The following SOD2 variants were observed in gnomAD, a reference collection of about 807,000 sequenced individuals.
SOD2 encodes the protein superoxide dismutase [Mn], mitochondrial.
Under a neutral mutation model 27.0 loss-of-function variants are expected in SOD2, and 11 were observed. The observed-to-expected ratio is 0.41, with a 90% CI of 0.26 to 0.67. The LOEUF is 0.67. SOD2 is among the 30% of genes least tolerant of loss of function. SOD2 has a pLI of 0.34. For synonymous variants in SOD2, 105 were observed against 103.0 expected (o/e 1.02, Z -0.12); for missense variants, 250 against 274.5 (o/e 0.91, Z 0.63).
At chr6:159,726,475 T>C (rs1048021) in intron 1 of SOD2, 61,761 of 231,532 alleles carry the variant, frequency 0.27, 8,642 homozygotes, top group East Asian at 0.4. Context: ...TGAACAGGTT[T>C]GATAAAGCCG....
chr6:159,692,899 C>A, intron 1 of SOD2, 36 bp from the exon 2 acceptor site: 2 of 1,527,074 alleles, frequency 1.3e-6, no homozygotes, highest in Non-Finnish European at 1.8e-6. Context: ...TCAGTCAGCG[C>A]CGCGGGACCG....
chr6:159,740,090 TCA>T (rs1460604826), intron 1 of SOD2, among the ~76,000 whole-genome samples: 1 of 152,000 alleles, frequency 6.6e-6, no homozygotes, highest in Non-Finnish European at 1.5e-5. Flanking sequence ...AGTGATTCTC[TCA>T]CCTTGGCCTC....
At chr6:159,727,677 G>T (rs1459561280), upstream of SOD2, 1 of 984,732 alleles carries the variant, frequency 1.0e-6, no homozygotes, top group Non-Finnish European at 1.2e-6. Flanking sequence ...GCGACCGGTG[G>T]CGCCGGCGCG....
chr6:159,692,140 C>T (rs5746101), intron 2 of SOD2: 256 of 206,174 alleles, frequency 1.2e-3, no homozygotes, highest in African/African-American at 5.4e-3. Flanking sequence ...GGCAGTAAGA[C>T]ACCACTCCCA....
chr6:159,749,867 T>C (rs1354885673), upstream of SOD2, among the ~76,000 whole-genome samples: 1 of 152,256 alleles, frequency 6.6e-6, no homozygotes, highest in Non-Finnish European at 1.5e-5. Flanking sequence ...CGTCAGATCA[T>C]TCTATAAGTC....
intron 1 of SOD2, chr6:159,713,359 G>A (rs541307631): frequency 1.5e-6 from 1 of 652,788 alleles, no homozygotes; most frequent in East Asian, 2.6e-5. Flanking sequence ...GCCAGCCCCT[G>A]GCCTATCACT....
intron 1 of SOD2, among the ~76,000 whole-genome samples, chr6:159,744,828 C>T (rs1367462415): frequency 1.3e-5 from 2 of 152,094 alleles, no homozygotes; most frequent in African/African-American, 2.4e-5. Context: ...TTCAGGTGTG[C>T]GCCACCAAGC....
intron 1 of SOD2, among the ~76,000 whole-genome samples, chr6:159,705,159 C>A (rs940503282): frequency 6.6e-6 from 1 of 152,160 alleles, no homozygotes; most frequent in Non-Finnish European, 1.5e-5. Context: ...GATAAAACCA[C>A]AAAGATGGGG....
At chr6:159,686,574 G>A (rs1471910557) in intron 3 of SOD2, among the ~76,000 whole-genome samples, 1 of 152,186 alleles carries the variant, frequency 6.6e-6, no homozygotes, top group East Asian at 1.9e-4. Context: ...TTGAACCCGG[G>A]ATGGGCAGAG....
rs1177380870 is a variant in SOD2 at position 159,688,214 on chromosome 6, C to T, written c.255G>A (p.Gln85=). The T allele has an allele frequency of 3.1e-6, 5 of 1,612,992 alleles. No individual in the cohort carries two copies. Among genetic ancestry groups the T allele is most frequent in the Non-Finnish European group, 4.2e-6 (5 of 1,179,090 alleles). ...KGDVTAQIAL[Q]PALKFNGGGH... is the part of the protein sequence containing the mutation. ...CACCACCATTGAACTTCAGTGCAGG[C>T]TGAAGAGCTATCTGGGCTGTAACAT... Residue 85 remains glutamine, a synonymous_variant, in exon 3 of 5, where the codon CAG becomes CAA. Coordinates refer to ENST00000538183, the MANE Select transcript of SOD2 (RefSeq NM_000636.4).
At chr6:159,718,345 G>C (rs1214226098) in intron 1 of SOD2, among the ~76,000 whole-genome samples, 1 of 152,006 alleles carries the variant, frequency 6.6e-6, no homozygotes, top group African/African-American at 2.4e-5. Flanking sequence ...TGGACACTTA[G>C]GCTGAGTCTT....
At position 159,688,167 on chromosome 6, in the gene SOD2, A is replaced by G; in HGVS notation, c.302T>C (p.Phe101Ser). Residue 101 changes from phenylalanine (F) to serine (S), a missense_variant, in exon 3 of 5, where the codon TTC (phenylalanine) becomes TCC (serine). Transcript: ENST00000538183. ...NGGGHINHSI[F>S]WTNLSPNGGG... is the part of the protein sequence containing the mutation. ...ACCGTTAGGGCTGAGGTTTGTCCAG[A>G]AAATGCTATGATTGATATGACCACC... The G allele has an allele frequency of 1.2e-6, 2 of 1,613,862 alleles. No homozygotes were observed. The highest frequency in any genetic ancestry group is 1.7e-6 in the Non-Finnish European group (2 of 1,179,724).
Position 159,669,262 on chromosome 6 carries a change from A to T in SOD2, c.*13231T>A, listed in dbSNP as rs1779606961. ...AATGTTCCATGTGCTGATGAAAAGA[A>T]CGTGTGTTCTGCAGCTATTAGAGTG... On this transcript the variant is annotated 3_prime_UTR_variant, in exon 5 of 5. Coordinates refer to ENST00000538183, the MANE Select transcript of SOD2 (RefSeq NM_000636.4). The T allele has an allele frequency of 6.6e-6, 1 of 152,226 alleles. No homozygotes were observed. The highest frequency in any genetic ancestry group is 2.1e-4 in the South Asian group (1 of 4,824). 9.4% of individuals were successfully genotyped at this position (152,226 alleles called of 1,614,324 possible).
chr6:159,687,337 TA>T (rs1562420922), intron 3 of SOD2, among the ~76,000 whole-genome samples: 3 of 151,962 alleles, frequency 2.0e-5, no homozygotes, highest in Admixed American at 6.5e-5. Context: ...ATATAAAAAT[TA>T]GCCGGGAGTG....
At chr6:159,682,776 A>C (rs1780017890) in intron 4 of SOD2, 138 bp from the exon 5 acceptor site, 14 of 740,934 alleles carry the variant, frequency 1.9e-5, no homozygotes, top group Non-Finnish European at 2.0e-5. Context: ...TTTTTATATA[A>C]GTAGGAAATC....
chr6:159,748,829 T>C, upstream of SOD2: 1 of 1,226,604 alleles, frequency 8.2e-7, no homozygotes, highest in Non-Finnish European at 1.0e-6. This position sits in a 1 kb window ranked among gnomAD's most constrained non-coding sequence, Gnocchi z 5.6. Context: ...TATGCATCGC[T>C]CTTAACCTTG....
chr6:159,689,393 G>C (rs1192244141), intron 2 of SOD2, among the ~76,000 whole-genome samples: 1 of 152,156 alleles, frequency 6.6e-6, no homozygotes, highest in Non-Finnish European at 1.5e-5. Context: ...AATAGGCCCT[G>C]TAACTCCTGG....
chr6:159,707,591 C>G (rs1335935577), intron 1 of SOD2, among the ~76,000 whole-genome samples: 1 of 152,146 alleles, frequency 6.6e-6, no homozygotes, highest in Non-Finnish European at 1.5e-5. Context: ...TCTGAATAGA[C>G]CAATAACAGG....
chr6:159,728,476 T>C (rs2114858730), upstream of SOD2, among the ~76,000 whole-genome samples: 1 of 152,338 alleles, frequency 6.6e-6, no homozygotes, highest in Admixed American at 6.5e-5. Flanking sequence ...TCTATGAGTA[T>C]GTTACAATTG....
Sources: gnomAD v4.1 joint callset for allele counts (sites outside exome capture counted in the v4.1 genomes callset) on GRCh38, gnomAD v4.1.1 for gene constraint, Gnocchi (gnomAD v3.1) non-coding constraint, MANE v1.5 for transcripts, NCBI Gene and HGNC (gene_info 2026-07-23, HGNC 2026-07-21) for gene names.